The following STOX2 variants were observed in gnomAD, a reference collection of about 807,000 sequenced individuals.
The protein encoded by STOX2 is storkhead box 2, also known as storkhead-box protein 2.
A neutral mutation model predicts 60.9 loss-of-function variants in STOX2; 28 were observed. The ratio of observed to expected loss-of-function variants is 0.46; its 90% CI spans 0.34 to 0.63. The LOEUF is 0.63. STOX2 is among the 30% of genes least tolerant of loss of function. The pLI is 0.01. For synonymous variants in STOX2, 472 were observed against 463.9 expected (o/e 1.02, Z -0.22); for missense variants, 1,024 against 1,187.7 (o/e 0.86, Z 2.03).
intron 1 of STOX2, among the ~76,000 whole-genome samples, chr4:183,863,951 TG>T: frequency 6.6e-6 from 1 of 152,336 alleles, no homozygotes; most frequent in South Asian, 2.1e-4. Context: ...CGAAACAGAA[TG>T]TTCAGACCTC....
In STOX2 at chr4:184,009,731, G is replaced by A; in HGVS notation, c.893G>A (p.Arg298Gln). 1 of 1,613,672 alleles carries A rather than the reference G, an allele frequency of 6.2e-7. No individual in the cohort carries two copies. The highest frequency in any genetic ancestry group is 8.5e-7 in the Non-Finnish European group (1 of 1,179,784). Residue 298 changes from arginine to glutamine, a missense_variant, in exon 3 of 4, where the codon CGA becomes CAA. Physicochemically the swap from Arg to Gln is conservative, Grantham distance 43. Around this residue, in one of 3 missense-constraint regions of STOX2, gnomAD observed 922 missense variants for 1,058.3 expected, o/e 0.87. Transcript: ENST00000308497. This position sits in a 1 kb window ranked among gnomAD's most constrained non-coding sequence, Gnocchi z 4.0. ...TTTCCTCCTGAAGAGTGGCCCCTGCGAGACGAGGACACGCCAGCTACGATC... is the reference window on the plus strand; with the variant it reads ...TTTCCTCCTGAAGAGTGGCCCCTGCAAGACGAGGACACGCCAGCTACGATC... ...AQFPPEEWPL[R>Q]DEDTPATIPR... is the part of the protein sequence containing the mutation.
chr4:183,925,723 G>A (rs1742224357), intron 1 of STOX2, among the ~76,000 whole-genome samples: 1 of 152,152 alleles, frequency 6.6e-6, no homozygotes, highest in Non-Finnish European at 1.5e-5. Context: ...AGGAAGACCT[G>A]TCTAAATAAG....
intron 1 of STOX2, among the ~76,000 whole-genome samples, chr4:183,873,021 T>C (rs890779118): frequency 7.9e-5 from 12 of 152,174 alleles, no homozygotes; most frequent in African/African-American, 2.9e-4. Flanking sequence ...ATTTTTAAAG[T>C]GTTACTTACT....
intron 1 of STOX2, among the ~76,000 whole-genome samples, chr4:183,915,679 C>T (rs1206661958): frequency 6.6e-6 from 1 of 152,130 alleles, no homozygotes; most frequent in Non-Finnish European, 1.5e-5. Context: ...GAGACACAGA[C>T]ACAGGGGAGA....
At chr4:183,987,849 AG>A (rs981055788) in intron 1 of STOX2, 2 of 152,256 alleles carry the variant, frequency 1.3e-5, no homozygotes, top group Admixed American at 1.3e-4. Flanking sequence ...TACACACAGG[AG>A]GGAGACGCGT....
Position 184,009,659 on chromosome 4 carries a change from G to A in STOX2, c.821G>A (p.Ser274Asn). 2 of 1,613,792 alleles carry A rather than the reference G, an allele frequency of 1.2e-6. No homozygotes were observed. The highest frequency in any genetic ancestry group is 1.7e-6 in the Non-Finnish European group (2 of 1,179,882). Residue 274 changes from serine (S) to asparagine (N), a missense_variant, in exon 3 of 4, where the codon AGT (serine) becomes AAT (asparagine). By Grantham distance (46) the Ser-to-Asn change is conservative (BLOSUM62 1). Around this residue, in one of 3 missense-constraint regions of STOX2, gnomAD observed 922 missense variants for 1,058.3 expected, o/e 0.87. Coordinates refer to ENST00000308497, the MANE Select transcript of STOX2 (RefSeq NM_020225.3). This position sits in a 1 kb window ranked among gnomAD's most constrained non-coding sequence, Gnocchi z 4.0. ...TTCGGGCTAAAGTTATTCCGGTTAA[G>A]TTTTAAAAAAGACAAGACCAAACAG... ...KKFGLKLFRLSFKKDKTKQLA... is the reference protein window; with the variant it reads ...KKFGLKLFRLNFKKDKTKQLA...
chr4:183,958,771 G>A (rs746061692), intron 1 of STOX2, among the ~76,000 whole-genome samples: 4 of 152,064 alleles, frequency 2.6e-5, no homozygotes, highest in Non-Finnish European at 2.9e-5. Context: ...TCGGTGTCCC[G>A]GGCCCGCACT....
chr4:183,835,898 G>T (rs1281808003), intron 1 of STOX2, among the ~76,000 whole-genome samples: 2 of 152,166 alleles, frequency 1.3e-5, no homozygotes, highest in Non-Finnish European at 2.9e-5. Flanking sequence ...GGAATTGCTG[G>T]GTCGTATGGT....
At chr4:183,841,457 C>T (rs999127168) in intron 1 of STOX2, among the ~76,000 whole-genome samples, 1 of 152,090 alleles carries the variant, frequency 6.6e-6, no homozygotes, top group African/African-American at 2.4e-5. Context: ...AAAAGATGCT[C>T]CCTCCTCGGC....
At chr4:183,846,718 A>G (rs575989409) in intron 1 of STOX2, among the ~76,000 whole-genome samples, 1 of 152,288 alleles carries the variant, frequency 6.6e-6, no homozygotes, top group African/African-American at 2.4e-5. Flanking sequence ...TATTTAAAAT[A>G]GTCAATTTAA....
At chr4:183,994,165 G>A (rs868584802) in intron 1 of STOX2, among the ~76,000 whole-genome samples, 17 of 152,160 alleles carry the variant, frequency 1.1e-4, no homozygotes, top group African/African-American at 3.6e-4. Flanking sequence ...CGAAAGAATC[G>A]TTTTCTGAAG....
chr4:183,889,869 C>T (rs1473135179), intron 1 of STOX2, among the ~76,000 whole-genome samples: 1 of 152,052 alleles, frequency 6.6e-6, no homozygotes, highest in East Asian at 1.9e-4. Context: ...TCTGTTTTTT[C>T]TTCTTTTGAT....
rs554936279 is a variant in STOX2, at chr4:183,908,007, T to A, written c.166+1051T>A. Among the ~76,000 whole-genome samples the A allele has an allele frequency of 5.3e-5, 8 of 152,368 alleles. No individual in the cohort carries two copies. The South Asian group carries it at 1.4e-3, about 28-fold the overall frequency. On this transcript the variant is annotated intron_variant, in intron 1 of 3. Coordinates refer to ENST00000308497, the MANE Select transcript of STOX2 (RefSeq NM_020225.3). ...TTAACTGGGAAGATCATTTTAAGCTTGTGGTTGGTACTTACAGTCTAGCTT... is the reference window on the plus strand; with the variant it reads ...TTAACTGGGAAGATCATTTTAAGCTAGTGGTTGGTACTTACAGTCTAGCTT...
intron 1 of STOX2, among the ~76,000 whole-genome samples, chr4:183,866,281 C>T (rs1315580476): frequency 6.6e-6 from 1 of 152,098 alleles, no homozygotes; most frequent in Non-Finnish European, 1.5e-5. Flanking sequence ...TTGCCAAAAA[C>T]CCTAATTGCT....
intron 1 of STOX2, among the ~76,000 whole-genome samples, chr4:183,990,345 G>T (rs995822218): frequency 2.0e-4 from 30 of 152,038 alleles, no homozygotes; most frequent in Non-Finnish European, 4.0e-4. Context: ...TCATTCATGT[G>T]TTTTCTTGCT....
At chr4:183,834,747 C>T (rs904538921) in intron 1 of STOX2, among the ~76,000 whole-genome samples, 2 of 152,194 alleles carry the variant, frequency 1.3e-5, no homozygotes, top group African/African-American at 4.8e-5. Flanking sequence ...CAGTGTGACG[C>T]ATTCATTCAT....
intron 1 of STOX2, among the ~76,000 whole-genome samples, chr4:183,895,457 C>A (rs1741320042): frequency 6.6e-6 from 1 of 152,134 alleles, no homozygotes. Flanking sequence ...TTGAAAGGCA[C>A]TAGGCATAAA....
intron 1 of STOX2, among the ~76,000 whole-genome samples, chr4:183,937,491 G>A (rs570710404): frequency 2.6e-5 from 4 of 152,270 alleles, no homozygotes; most frequent in South Asian, 2.1e-4. Context: ...GTCAGTGTTC[G>A]TTTTAGAGCT....
chr4:183,903,815 T>G (rs1355274374), upstream of STOX2, among the ~76,000 whole-genome samples: 1 of 152,238 alleles, frequency 6.6e-6, no homozygotes, highest in East Asian at 1.9e-4. Context: ...GGGACCAGTT[T>G]CGTGGAAGAC....
Sources: gnomAD v4.1 joint callset for allele counts (sites outside exome capture counted in the v4.1 genomes callset) on GRCh38, gnomAD v4.1.1 for gene constraint, gnomAD v4.1.1 regional missense constraint, Gnocchi (gnomAD v3.1) non-coding constraint, MANE v1.5 for transcripts, NCBI Gene and HGNC (gene_info 2026-07-23, HGNC 2026-07-21) for gene names.